Variants in FHIT observed in about 807,000 individuals in gnomAD.
FHIT encodes bis(5'-adenosyl)-triphosphatase.
Under a neutral mutation model 17.9 loss-of-function variants are expected in FHIT, and 19 were observed. The observed-to-expected ratio is 1.06, with a 90% CI of 0.74 to 1.56. The LOEUF is 1.56. Among genes scored for constraint, FHIT ranks in the 40% most tolerant of loss-of-function variants. FHIT has a pLI of 0.00. For synonymous variants in FHIT, 81 were observed against 69.7 expected (o/e 1.16, Z -0.81); for missense variants, 248 against 189.2 (o/e 1.31, Z -1.82).
chr3:60,345,796 T>A (rs1384007217), intron 5 of FHIT, among the ~76,000 whole-genome samples: 1 of 152,208 alleles, frequency 6.6e-6, no homozygotes, highest in African/African-American at 2.4e-5. Flanking sequence ...AAAGAAAATG[T>A]CTTTTTGAAA....
chr3:59,857,705 G>GTTTTTTTTTT (rs78150569), intron 8 of FHIT, among the ~76,000 whole-genome samples: 3,654 of 115,094 alleles, frequency 0.032, 280 homozygotes, highest in African/African-American at 0.085. Flanking sequence ...AAAGTGCTGG[G>GTTTTTTTTTT]TTTTTTTTTT....
chr3:59,989,346 T>A (rs1336246309), intron 7 of FHIT, among the ~76,000 whole-genome samples: 7 of 152,010 alleles, frequency 4.6e-5, no homozygotes, highest in Admixed American at 4.6e-4. Context: ...ACATTAGGAC[T>A]TTCATTCCAA....
At position 59,780,603 on chromosome 3, in the gene FHIT, C is replaced by T. The variant is rs557557595; in HGVS notation, c.349-28282G>A. On this transcript the variant is annotated intron_variant, in intron 8 of 9. Transcript: ENST00000492590. ...TTAAGATATTTGTTAGTAGGGCCTT[C>T]GCAGAGGTGATTAGGGTTAGATGAG... 8.5e-5 allele frequency among the ~76,000 whole-genome samples: 13 copies of T among 152,260 alleles called. No homozygotes were observed. In the South Asian group the frequency reaches 1.4e-3, roughly 17 times the overall value.
At chr3:60,618,400 A>G (rs1357373371) in intron 4 of FHIT, among the ~76,000 whole-genome samples, 1 of 152,116 alleles carries the variant, frequency 6.6e-6, no homozygotes, top group Non-Finnish European at 1.5e-5. Context: ...TAAGCCCAGC[A>G]TCCATTAGTT....
At chr3:60,471,640 C>T (rs542046034) in intron 5 of FHIT, among the ~76,000 whole-genome samples, 1 of 152,192 alleles carries the variant, frequency 6.6e-6, no homozygotes, top group Non-Finnish European at 1.5e-5. Flanking sequence ...CTCTTCAGTG[C>T]CTCTTTCCTT....
intron 8 of FHIT, among the ~76,000 whole-genome samples, chr3:59,860,129 TA>T (rs983132145): frequency 1.3e-5 from 2 of 151,898 alleles, no homozygotes; most frequent in Non-Finnish European, 1.5e-5. Context: ...GCTTCAGAAT[TA>T]AAAAAAATAC....
chr3:61,011,539 C>T (rs2031789085), intron 3 of FHIT, among the ~76,000 whole-genome samples: 1 of 152,084 alleles, frequency 6.6e-6, no homozygotes, highest in African/African-American at 2.4e-5. Context: ...CATTCTTCTG[C>T]TTTATACAGT....
chr3:60,564,752 C>A (rs1389649241), intron 4 of FHIT, among the ~76,000 whole-genome samples: 1 of 152,028 alleles, frequency 6.6e-6, no homozygotes, highest in Non-Finnish European at 1.5e-5. Flanking sequence ...TATGGGTGAG[C>A]AAAGAAAGTG....
At chr3:60,779,550 A>C (rs957326347) in intron 4 of FHIT, among the ~76,000 whole-genome samples, 21 of 152,346 alleles carry the variant, frequency 1.4e-4, no homozygotes, top group African/African-American at 5.1e-4. Flanking sequence ...CCTGGCAAGC[A>C]TAACTATAGC....
chr3:59,756,032 T>C (rs994931), intron 8 of FHIT, among the ~76,000 whole-genome samples: 23,018 of 152,124 alleles, frequency 0.15, 2,113 homozygotes, highest in African/African-American at 0.25. Context: ...GCCTGACACA[T>C]AGTTAAGTGG....
intron 5 of FHIT, among the ~76,000 whole-genome samples, chr3:60,219,779 G>A (rs532898140): frequency 6.6e-6 from 1 of 152,178 alleles, no homozygotes; most frequent in South Asian, 2.1e-4. Context: ...AAGCTTTAGG[G>A]CTTCTTAGGC....
chr3:60,976,096 C>CTTTTTTT lies in FHIT; in HGVS notation c.-111+65944_-111+65950dup, dbSNP rs869239307. 8.1e-3 allele frequency among the ~76,000 whole-genome samples: 541 copies of CTTTTTTT among 66,792 alleles called. 46 individuals carry two copies. The highest frequency in any genetic ancestry group is 0.013 in the East Asian group (30 of 2,326). 43.8% of individuals were successfully genotyped at this position (66,792 alleles called of 152,430 possible). A position where few individuals can be genotyped will look rare whatever the true frequency, so the allele number is the denominator to read the frequency against. On this transcript the variant is annotated intron_variant, in intron 3 of 9. Transcript: ENST00000492590. ...CTTTGTATCTTTCGTTTTTCTTTTTCTTTTTTTTTTTTTTTTTTTTTTTTT... is the reference window on the plus strand; with the variant it reads ...CTTTGTATCTTTCGTTTTTCTTTTTCTTTTTTTTTTTTTTTTTTTTTTTTTTTTTTTT...
chr3:60,172,275 T>C (rs935765167), intron 5 of FHIT, among the ~76,000 whole-genome samples: 1 of 152,040 alleles, frequency 6.6e-6, no homozygotes, highest in Non-Finnish European at 1.5e-5. Context: ...TGTTTGTTTG[T>C]TTGCTTTGAG....
chr3:60,219,063 C>G (rs1045941653), intron 5 of FHIT, among the ~76,000 whole-genome samples: 1 of 152,052 alleles, frequency 6.6e-6, no homozygotes, highest in Non-Finnish European at 1.5e-5. Context: ...AAGGCTGAAT[C>G]AAATAATTTA....
chr3:60,439,655 G>C (rs115051067), intron 5 of FHIT, among the ~76,000 whole-genome samples: 1 of 152,070 alleles, frequency 6.6e-6, no homozygotes, highest in African/African-American at 2.4e-5. Context: ...CCTGGGAAAA[G>C]AGCAAGTAAC....
chr3:60,701,370 C>T (rs782744660), intron 4 of FHIT, among the ~76,000 whole-genome samples: 4 of 152,112 alleles, frequency 2.6e-5, no homozygotes, highest in Non-Finnish European at 4.4e-5. Flanking sequence ...GTTTAATTCA[C>T]GCAGAGCAGG....
chr3:60,062,413 G>C (rs529108865), intron 5 of FHIT, among the ~76,000 whole-genome samples: 1 of 152,156 alleles, frequency 6.6e-6, no homozygotes, highest in East Asian at 1.9e-4. Context: ...TACATTCCAA[G>C]TACTGTGCTG....
chr3:60,181,549 G>T (rs938140703), intron 5 of FHIT, among the ~76,000 whole-genome samples: 3 of 149,980 alleles, frequency 2.0e-5, no homozygotes, highest in Non-Finnish European at 4.5e-5. Context: ...TTCATGGCCT[G>T]GTCTAATGTC....
chr3:60,895,847 T>C (rs1705790255), intron 3 of FHIT, among the ~76,000 whole-genome samples: 1 of 151,636 alleles, frequency 6.6e-6, no homozygotes, highest in Admixed American at 6.6e-5. Context: ...TTTTATTTTC[T>C]GGCACAACAA....
Sources: allele counts gnomAD v4.1 joint callset (sites outside exome capture counted in the v4.1 genomes callset), GRCh38; gene constraint gnomAD v4.1.1; transcripts MANE v1.5; gene names NCBI Gene and HGNC (gene_info 2026-07-23, HGNC 2026-07-21).